STRA6: variants seen among roughly 807,000 people sequenced by gnomAD.
The protein encoded by STRA6 is signaling receptor and transporter of retinol STRA6, also known as receptor for retinol uptake STRA6.
Under a neutral mutation model 83.6 loss-of-function variants are expected in STRA6, and 48 were observed. The observed-to-expected ratio is 0.57, with a 90% CI of 0.46 to 0.73. The LOEUF is 0.73. STRA6 is among the 30% of genes least tolerant of loss of function. The probability of loss-of-function intolerance (pLI) is 0.00; values close to 1 mark genes in which losing one functional copy is unlikely to be tolerated. For missense variants in STRA6, 760 were observed against 838.8 expected (o/e 0.91, Z 1.16); for synonymous variants, 353 against 362.3 (o/e 0.97, Z 0.29).
At chr15:74,211,411 T>C (rs1182944452), upstream of STRA6, among the ~76,000 whole-genome samples, 1 of 148,142 alleles carries the variant, frequency 6.8e-6, no homozygotes, top group East Asian at 2.0e-4. Context: ...TTTTTTTTTT[T>C]TTTTTTGAGA....
intron 12 of STRA6, among the ~76,000 whole-genome samples, chr15:74,186,670 C>T (rs2073263164): frequency 6.6e-6 from 1 of 152,148 alleles, no homozygotes; most frequent in Admixed American, 6.5e-5. Flanking sequence ...ACTCGGGAGG[C>T]TGAAATGGGA....
intron 2 of STRA6, among the ~76,000 whole-genome samples, chr15:74,199,203 T>A (rs1354989446): frequency 6.6e-6 from 1 of 152,206 alleles, no homozygotes; most frequent in Non-Finnish European, 1.5e-5. Flanking sequence ...GGCTGCATTA[T>A]CCAGGGGAGT....
In STRA6 at chr15:74,197,821, G is replaced by C; in HGVS notation, c.114-3C>G. On this transcript the variant is annotated splice_polypyrimidine_tract_variant and splice_region_variant and intron_variant, in intron 2 of 18. Coordinates refer to ENST00000395105, the MANE Select transcript of STRA6 (RefSeq NM_022369.4). ...TGGTGTGGCAGGAGGGCACTTCCCT[G>C]CAGAGCAAATGAAGGCTGGCTCAGG... 1 of 1,612,702 alleles carries C rather than the reference G, an allele frequency of 6.2e-7. No individual in the cohort carries two copies. Among genetic ancestry groups the C allele is most frequent in the Non-Finnish European group, 8.5e-7 (1 of 1,179,966 alleles).
exon 1 of STRA6, chr15:74,208,932 C>G: frequency 1.0e-6 from 1 of 996,086 alleles, no homozygotes. Context: ...GAGCCCAGCA[C>G]CAGCTGGGCT....
At position 74,191,197 on chromosome 15, in the gene STRA6, A is replaced by G. The variant is rs749582685; in HGVS notation, c.835T>C (p.Leu279=). Residue 279 remains leucine, a synonymous_variant, in exon 10 of 19, where the codon TTG becomes CTG. Coordinates refer to ENST00000395105, the MANE Select transcript of STRA6 (RefSeq NM_022369.4). ...HGFLSWARVC[L]RHCIYTPQPG... is the part of the protein sequence containing the mutation. ...TGTGGAGTGTAGATGCAGTGTCTCAAGCAGACGCGGGCCCAGGACAGGAAG... is the reference window on the plus strand; with the variant it reads ...TGTGGAGTGTAGATGCAGTGTCTCAGGCAGACGCGGGCCCAGGACAGGAAG... 3.1e-6 allele frequency: 5 copies of G among 1,613,434 alleles called. No homozygotes were observed. In the Admixed American group the frequency reaches 5.0e-5, roughly 16 times the overall value.
chr15:74,185,672 G>T (rs573796550), intron 12 of STRA6, among the ~76,000 whole-genome samples: 71 of 152,222 alleles, frequency 4.7e-4, no homozygotes, highest in African/African-American at 1.7e-3. Context: ...ACAAGCCTGG[G>T]TGTTTAAGAA....
chr15:74,193,745 G>T, intron 8 of STRA6, 55 bp downstream of exon 8: 3 of 1,608,160 alleles, frequency 1.9e-6, no homozygotes, highest in South Asian at 1.1e-5. Flanking sequence ...AGATACGGGG[G>T]AGTAGGGCTG....
At chr15:74,194,725 ATGTTGT>A (rs2073728193) in intron 7 of STRA6, 1 of 1,212,852 alleles carries the variant, frequency 8.2e-7, no homozygotes, top group African/African-American at 1.6e-5. Context: ...TGCTTCAAAT[ATGTTGT>A]TGAATGAATG....
In STRA6 at chr15:74,188,433, C is replaced by G. The variant is rs1446622431; in HGVS notation, c.1090+682G>C. ...CCAAGGTGATGGAGAAGGCCCCCGC[C>G]TAGGCTTCAGGAGCCCTGCGTTCTC... is the stretch of plus-strand genomic sequence containing the variant. On this transcript the variant is annotated intron_variant, in intron 12 of 18. Coordinates refer to ENST00000395105, the MANE Select transcript of STRA6 (RefSeq NM_022369.4). This position sits in a 1 kb window ranked among gnomAD's most constrained non-coding sequence, Gnocchi z 4.5. 6.6e-6 allele frequency among the ~76,000 whole-genome samples: 1 copy of G among 152,260 alleles called. No homozygotes were observed. Among genetic ancestry groups the G allele is most frequent in the Non-Finnish European group, 1.5e-5 (1 of 68,046 alleles).
At chr15:74,204,940 A>AGAAAGAAAG (rs10647648), upstream of STRA6, among the ~76,000 whole-genome samples, 786 of 151,730 alleles carry the variant, frequency 5.2e-3, 2 homozygotes, top group East Asian at 0.012. Flanking sequence ...ATCTCAAAAA[A>AGAAAGAAAG]AAAGAAAGAA....
rs1555454434 is a variant in STRA6, at chr15:74,183,989, C to T, written c.1167G>A (p.Arg389=). The T allele has an allele frequency of 6.2e-7, 1 of 1,613,042 alleles. No individual in the cohort carries two copies. The highest frequency in any genetic ancestry group is 8.5e-7 in the Non-Finnish European group (1 of 1,180,002). The part of the protein sequence containing the change: ...LVLMRSLVTH[R]TNLRALHRGA... ...CTCGGTGCAGAGCTCGAAGGTTGGTCCTGGGGTGGGAGCCAGGGAGGCAGA... is the reference window on the plus strand; with the variant it reads ...CTCGGTGCAGAGCTCGAAGGTTGGTTCTGGGGTGGGAGCCAGGGAGGCAGA... The change falls in exon 14 of 19, where the codon AGG becomes AGA. Residue 389 remains arginine, a splice_region_variant and synonymous_variant. Transcript: ENST00000395105.
At chr15:74,194,747 G>A in intron 7 of STRA6, 2 of 1,251,410 alleles carry the variant, frequency 1.6e-6, no homozygotes, top group Non-Finnish European at 2.0e-6. Context: ...GAATGGGTGA[G>A]TGAATGAATG....
intron 14 of STRA6, 173 bp downstream of exon 14, chr15:74,183,683 A>C: frequency 6.4e-7 from 1 of 1,553,180 alleles, no homozygotes; most frequent in Non-Finnish European, 8.6e-7. Flanking sequence ...ATCCTGAATA[A>C]GCTTCTTAAG....
chr15:74,191,167 C>G lies in STRA6; in HGVS notation c.865G>C (p.Gly289Arg). 6.2e-7 allele frequency: 1 copy of G among 1,614,034 alleles called. No homozygotes were observed. Residue 289 changes from glycine to arginine, a missense_variant and splice_region_variant, in exon 10 of 19, where the codon GGA becomes CGA. Transcript: ENST00000395105. ...TCGGCCTCAGCTCCCAACCCCATAC[C>G]TGGCTGTGGAGTGTAGATGCAGTGT... is the stretch of plus-strand genomic sequence containing the variant. The part of the protein sequence containing the change: ...LRHCIYTPQP[G>R]FHLPLKLVLS...
upstream of STRA6, among the ~76,000 whole-genome samples, chr15:74,211,719 A>G (rs922956912): frequency 7.3e-5 from 11 of 151,286 alleles, no homozygotes; most frequent in African/African-American, 2.4e-5. Context: ...CTCTCTTTCT[A>G]TCTGGTTGTC....
chr15:74,182,203 AC>A lies in STRA6; in HGVS notation c.1477del (p.Val493SerfsTer12). 1 of 1,614,122 alleles carries A rather than the reference AC, an allele frequency of 6.2e-7. No individual in the cohort carries two copies. The highest frequency in any genetic ancestry group is 8.5e-7 in the Non-Finnish European group (1 of 1,180,004). On this transcript the variant is annotated frameshift_variant, in exon 16 of 19. Transcript: ENST00000395105. LOFTEE classifies it high-confidence loss of function. ...GTGTCCATCATGAGTCTCCAGGAAG[AC>A]CCAATGGGCTGCCATGTTCTGCAGG... ...VILQNMAAHW[V>X]FLETHDGHPQ... is the part of the protein sequence containing the mutation.
chr15:74,209,353 A>G (rs1392918334), upstream of STRA6: 1 of 1,533,224 alleles, frequency 6.5e-7, no homozygotes, highest in East Asian at 2.4e-5. Flanking sequence ...GGAACCCCCT[A>G]CTTACCTCCA....
intron 4 of STRA6, among the ~76,000 whole-genome samples, chr15:74,196,492 T>C (rs1405726796): frequency 6.6e-6 from 1 of 152,116 alleles, no homozygotes; most frequent in Non-Finnish European, 1.5e-5. Flanking sequence ...ACAACATCCT[T>C]GTACAACAGC....
In STRA6 at chr15:74,197,815, T is replaced by C; in HGVS notation, c.117A>G (p.Glu39=). Residue 39 remains glutamate, a synonymous_variant, in exon 3 of 19, where the codon GAA becomes GAG. Coordinates refer to ENST00000395105, the MANE Select transcript of STRA6 (RefSeq NM_022369.4). Reference sequence around the variant, plus strand: ...GTATGCTGGTGTGGCAGGAGGGCACTTCCCTGCAGAGCAAATGAAGGCTGG... The same window carrying C: ...GTATGCTGGTGTGGCAGGAGGGCACCTCCCTGCAGAGCAAATGAAGGCTGG... ...QGGEELQPEG[E]VPSCHTSIPP... The C allele has an allele frequency of 1.2e-6, 2 of 1,612,810 alleles. No individual in the cohort carries two copies. Among genetic ancestry groups the C allele is most frequent in the Non-Finnish European group, 8.5e-7 (1 of 1,179,930 alleles).
Sources: gnomAD v4.1 joint callset for allele counts (sites outside exome capture counted in the v4.1 genomes callset) on GRCh38, gnomAD v4.1.1 for gene constraint, Gnocchi (gnomAD v3.1) non-coding constraint, MANE v1.5 for transcripts, NCBI Gene and HGNC (gene_info 2026-07-23, HGNC 2026-07-21) for gene names.